Variants in PGS1 observed in about 807,000 individuals in gnomAD.
PGS1 encodes the protein CDP-diacylglycerol--glycerol-3-phosphate 3-phosphatidyltransferase, mitochondrial.
Under a neutral mutation model 58.3 loss-of-function variants are expected in PGS1, and 44 were observed. The observed-to-expected ratio is 0.75, with a 90% CI of 0.59 to 0.97. The LOEUF is 0.97. Among genes scored for constraint, PGS1 ranks in the 50% least tolerant of loss-of-function variants. The pLI is 0.00. For synonymous variants in PGS1, 330 were observed against 311.0 expected, an observed-to-expected ratio of 1.06 and a Z score of -0.64; for missense variants, 684 against 731.1, an observed-to-expected ratio of 0.94 and a Z score of 0.74.
chr17:78,414,556 T>C (rs367559103), intron 7 of PGS1, among the ~76,000 whole-genome samples: 1 of 152,188 alleles, frequency 6.6e-6, no homozygotes, highest in East Asian at 1.9e-4. Flanking sequence ...TGAGAGCAGG[T>C]CGGCAGGTGG....
In PGS1 at chr17:78,424,336, A is replaced by C. The variant is rs1240305146; in HGVS notation, c.*286A>C. On this transcript the variant is annotated 3_prime_UTR_variant, in exon 10 of 10. Transcript: ENST00000262764. ...CGTAGGTGATGGCCTGCATGTTGTA[A>C]CTACCCCGTCCCGCTGGGCTCAAGG... is the stretch of plus-strand genomic sequence containing the variant. 2 of 677,818 alleles carry C rather than the reference A, an allele frequency of 3.0e-6. No homozygotes were observed. Among genetic ancestry groups the C allele is most frequent in the Non-Finnish European group, 4.8e-6 (2 of 419,198 alleles). 42.0% of individuals were successfully genotyped at this position (677,818 alleles called of 1,614,324 possible). A position where few individuals can be genotyped will look rare whatever the true frequency, so the allele number is the denominator to read the frequency against.
intron 8 of PGS1, among the ~76,000 whole-genome samples, chr17:78,418,733 A>G (rs1405817618): frequency 6.6e-6 from 1 of 152,186 alleles, no homozygotes; most frequent in African/African-American, 2.4e-5. Context: ...ACCTGTTGCC[A>G]GAGCTCACTC....
At chr17:78,385,854 C>T (rs980846279) in intron 1 of PGS1, among the ~76,000 whole-genome samples, 1 of 152,190 alleles carries the variant, frequency 6.6e-6, no homozygotes, top group Non-Finnish European at 1.5e-5. Context: ...GTGTGCAGGG[C>T]GCGTTGTCCT....
intron 1 of PGS1, among the ~76,000 whole-genome samples, chr17:78,391,627 A>G (rs903310923): frequency 9.9e-5 from 15 of 151,854 alleles, no homozygotes; most frequent in Non-Finnish European, 1.6e-4. Context: ...ACAGTCACAT[A>G]CCACCACGCC....
At chr17:78,401,802 T>C (rs753337707) in intron 6 of PGS1, among the ~76,000 whole-genome samples, 1 of 152,222 alleles carries the variant, frequency 6.6e-6, no homozygotes, top group Non-Finnish European at 1.5e-5. Context: ...GTATCTCTCT[T>C]GCTGAGTGCC....
At position 78,378,796 on chromosome 17, in the gene PGS1, G is replaced by A. The variant is rs2081816674; in HGVS notation, c.131G>A (p.Arg44His). 4 of 1,472,744 alleles carry A rather than the reference G, an allele frequency of 2.7e-6. No individual in the cohort carries two copies. The highest frequency in any genetic ancestry group is 2.6e-5 in the South Asian group (2 of 76,660). 91.2% of individuals were successfully genotyped at this position (1,472,744 alleles called of 1,614,324 possible). The change falls in exon 1 of 10, where the codon CGC becomes CAC. Residue 44 changes from arginine to histidine, a missense_variant. Arg to His is a conservative substitution (Grantham distance 29). Coordinates refer to ENST00000262764, the MANE Select transcript of PGS1 (RefSeq NM_024419.5). Reference sequence around the variant, plus strand: ...GACCGCCTCGGCAGGAACCGGGACCGCCAGCGCAGGAGGTGAGAGGGGCGG... The same window carrying A: ...GACCGCCTCGGCAGGAACCGGGACCACCAGCGCAGGAGGTGAGAGGGGCGG... Reference protein sequence around the residue: ...LSDRLGRNRDRQRRRSPWLLL... With the variant: ...LSDRLGRNRDHQRRRSPWLLL...
chr17:78,424,268 A>G lies in PGS1; in HGVS notation c.*218A>G. ...CCTCTGCAGAGCTGGGCTCTACCCC[A>G]AAAGGCTTCAGGCCAGCTGCCACGG... On this transcript the variant is annotated 3_prime_UTR_variant, in exon 10 of 10. Transcript: ENST00000262764. The G allele has an allele frequency of 7.4e-7, 1 of 1,346,962 alleles. No homozygotes were observed. Among genetic ancestry groups the G allele is most frequent in the Non-Finnish European group, 9.9e-7 (1 of 1,013,652 alleles). 83.4% of individuals were successfully genotyped at this position (1,346,962 alleles called of 1,614,324 possible).
rs544668560 is a variant in PGS1, at chr17:78,378,728, G to C, written c.63G>C (p.Leu21=). ...PVFWRRLLGL[L]PGRPGLAALL... is the part of the protein sequence containing the mutation. Reference sequence around the variant, plus strand: ...TCTGGAGGCGACTGCTGGGCCTCCTGCCTGGCCGCCCAGGGCTGGCCGCGC... The same window carrying C: ...TCTGGAGGCGACTGCTGGGCCTCCTCCCTGGCCGCCCAGGGCTGGCCGCGC... The change falls in exon 1 of 10, where the codon CTG becomes CTC. Residue 21 remains leucine, a synonymous_variant. Transcript: ENST00000262764. 2 of 1,514,754 alleles carry C rather than the reference G, an allele frequency of 1.3e-6. No individual in the cohort carries two copies. The highest frequency in any genetic ancestry group is 1.8e-6 in the Non-Finnish European group (2 of 1,137,868). 93.8% of individuals were successfully genotyped at this position (1,514,754 alleles called of 1,614,324 possible).
In PGS1 at chr17:78,385,679, C is replaced by CT. The variant is rs560811506; in HGVS notation, c.144-6796dup. Among the ~76,000 whole-genome samples, 35 of 152,364 alleles carry CT rather than the reference C, an allele frequency of 2.3e-4. 1 individual carries two copies. The East Asian group carries it at 5.6e-3, about 24-fold the overall frequency. ...ACCTCATCATCTGCCTGCTCGGCCT[C>CT]TGAAAGTGCTGGGATTACAGCCGTG... On this transcript the variant is annotated intron_variant, in intron 1 of 9. Transcript: ENST00000262764.
rs1383348801 is a variant in PGS1, at chr17:78,391,865, C to T, written c.144-611C>T. 7.9e-5 allele frequency among the ~76,000 whole-genome samples: 12 copies of T among 152,162 alleles called. No individual in the cohort carries two copies. In the East Asian group the frequency reaches 1.9e-3, roughly 24 times the overall value. On this transcript the variant is annotated intron_variant, in intron 1 of 9. Coordinates refer to ENST00000262764, the MANE Select transcript of PGS1 (RefSeq NM_024419.5). The stretch of plus-strand genomic sequence containing the variant: ...TCCTGAGCTCCTTGACTCAAGCATT[C>T]GTCCTGCCTTGGCCTCCCAAAGTGC...
intron 1 of PGS1, among the ~76,000 whole-genome samples, chr17:78,385,613 T>TG (rs760193948): frequency 3.3e-5 from 5 of 152,094 alleles, no homozygotes; most frequent in Non-Finnish European, 7.4e-5. Flanking sequence ...TTAGTAGAGA[T>TG]GGGGTTTCAC....
intron 1 of PGS1, among the ~76,000 whole-genome samples, chr17:78,389,828 C>T (rs1392268402): frequency 6.6e-6 from 1 of 151,946 alleles, no homozygotes; most frequent in Non-Finnish European, 1.5e-5. Flanking sequence ...ATTGGCCAGG[C>T]TGGTTTTGAA....
At chr17:78,410,673 C>T (rs1231777905) in intron 7 of PGS1, among the ~76,000 whole-genome samples, 1 of 151,866 alleles carries the variant, frequency 6.6e-6, no homozygotes, top group East Asian at 2.0e-4. Context: ...GGGGTTTCAC[C>T]ATGATGGCCA....
In PGS1 at chr17:78,403,877, A is replaced by T. The variant is rs749817886; in HGVS notation, c.1190A>T (p.Asp397Val). The T allele has an allele frequency of 1.2e-6, 2 of 1,614,132 alleles. No homozygotes were observed. The highest frequency in any genetic ancestry group is 2.2e-5 in the South Asian group (2 of 91,090). Reference protein sequence around the residue: ...GYFNLTQAYMDLVLGTRAEYQ... With the variant: ...GYFNLTQAYMVLVLGTRAEYQ... ...TTCAACCTGACCCAGGCCTACATGG[A>T]CCTGGTCTTGGGCACTCGGGCTGAG... The change falls in exon 7 of 10, where the codon GAC becomes GTC. Residue 397 changes from aspartate to valine, a missense_variant. By Grantham distance (152) the Asp-to-Val change is radical (BLOSUM62 -3). Transcript: ENST00000262764.
intron 7 of PGS1, among the ~76,000 whole-genome samples, chr17:78,404,428 G>C (rs960497730): frequency 6.6e-6 from 1 of 151,394 alleles, no homozygotes; most frequent in African/African-American, 2.4e-5. Flanking sequence ...CTACAGGCGC[G>C]TGCCACCATG....
chr17:78,413,675 G>A (rs1253700734), intron 7 of PGS1, among the ~76,000 whole-genome samples: 2 of 152,238 alleles, frequency 1.3e-5, no homozygotes, highest in Non-Finnish European at 2.9e-5. Flanking sequence ...AGCTCAGGCC[G>A]AGCCTGGGTG....
At position 78,398,338 on chromosome 17, in the gene PGS1, G is replaced by A. The variant is rs201739252; in HGVS notation, c.498G>A (p.Thr166=). The change falls in exon 4 of 10, where the codon ACG becomes ACA. Residue 166 remains threonine (T), a synonymous_variant. Coordinates refer to ENST00000262764, the MANE Select transcript of PGS1 (RefSeq NM_024419.5). ...NLKVSILLDF[T]RGSRGRKNSR... is the part of the protein sequence containing the mutation. ...AGGTCTCCATTCTCTTAGACTTCAC[G>A]CGGGGCTCACGAGGTAGGTGGCATG... 82 of 1,613,158 alleles carry A rather than the reference G, an allele frequency of 5.1e-5. 1 individual carries two copies. The South Asian group carries it at 7.2e-4, about 14-fold the overall frequency.
In PGS1 at chr17:78,392,613, G is replaced by C. The variant is rs1159396924; in HGVS notation, c.281G>C (p.Ser94Thr). 6.2e-7 allele frequency: 1 copy of C among 1,614,110 alleles called. No individual in the cohort carries two copies. Among genetic ancestry groups the C allele is most frequent in the East Asian group, 2.2e-5 (1 of 44,906 alleles). The change falls in exon 2 of 10, where the codon AGT becomes ACT. Residue 94 changes from serine to threonine, a missense_variant. Transcript: ENST00000262764. ...RNLVPEFGVS[S>T]SHVRVLSSPA... is the part of the protein sequence containing the mutation. ...CTGGTTCCAGAATTTGGAGTCTCCA[G>C]TTCTCACGTTAGGGTGCTTTCTTCC...
intron 7 of PGS1, among the ~76,000 whole-genome samples, chr17:78,410,123 CAAAACAG>C (rs1379767971): frequency 6.6e-6 from 1 of 151,494 alleles, no homozygotes; most frequent in East Asian, 2.0e-4. Flanking sequence ...CAAAACAAAA[CAAAACAG>C]AAAAACAAAA....
Sources: allele counts gnomAD v4.1 joint callset (sites outside exome capture counted in the v4.1 genomes callset), GRCh38; gene constraint gnomAD v4.1.1; transcripts MANE v1.5; gene names NCBI Gene and HGNC (gene_info 2026-07-23, HGNC 2026-07-21).